The following CYP2C18 variants were observed in gnomAD, a reference collection of about 807,000 sequenced individuals.
CYP2C18 encodes the protein cytochrome P450 family 2 subfamily C member 18.
Under a neutral mutation model 41.3 loss-of-function variants are expected in CYP2C18, and 38 were observed. The ratio of observed to expected loss-of-function variants is 0.92; its 90% CI spans 0.71 to 1.21. CYP2C18 has a LOEUF of 1.21. Ranked by LOEUF, CYP2C18 falls within the 50% of genes most tolerant of loss-of-function variation. The pLI is 0.00. For missense variants in CYP2C18, 635 were observed against 591.4 expected (o/e 1.07, Z -0.77); for synonymous variants, 236 against 210.0 (o/e 1.12, Z -1.07).
chr10:94,685,550 T>C (rs957786747), intron 1 of CYP2C18, among the ~76,000 whole-genome samples: 7 of 152,178 alleles, frequency 4.6e-5, no homozygotes, highest in Non-Finnish European at 1.0e-4. Flanking sequence ...CTTAAGGCTT[T>C]AATTCATTTT....
At chr10:94,717,412 A>G (rs531360200) in intron 5 of CYP2C18, among the ~76,000 whole-genome samples, 2 of 152,200 alleles carry the variant, frequency 1.3e-5, no homozygotes, top group East Asian at 3.9e-4. Flanking sequence ...GCTTGTCTGT[A>G]AAGGATTTTA....
rs532799377 is a variant in CYP2C18 at position 94,698,420 on chromosome 10, C to T, written c.642+3343C>T. Among the ~76,000 whole-genome samples the T allele has an allele frequency of 6.6e-5, 10 of 152,284 alleles. No homozygotes were observed. The South Asian group carries it at 2.1e-3, about 32-fold the overall frequency. ...AAATGAAGGCAGAAATAAAAATGTT[C>T]TTTGAAACCAATGAGAACAAAGACA... On this transcript the variant is annotated intron_variant, in intron 4 of 8. Coordinates refer to ENST00000285979, the MANE Select transcript of CYP2C18 (RefSeq NM_000772.3).
chr10:94,690,157 A>G (rs1846969054), intron 3 of CYP2C18, among the ~76,000 whole-genome samples: 2 of 152,136 alleles, frequency 1.3e-5, no homozygotes, highest in Admixed American at 6.6e-5. Context: ...TGACCTCACC[A>G]TATCTAAATG....
intron 3 of CYP2C18, among the ~76,000 whole-genome samples, chr10:94,692,164 A>T: frequency 6.6e-6 from 1 of 152,224 alleles, no homozygotes; most frequent in Non-Finnish European, 1.5e-5. Flanking sequence ...AAAAGCCAAA[A>T]TTGACAAATG....
intron 4 of CYP2C18, among the ~76,000 whole-genome samples, chr10:94,700,708 T>G (rs1847221952): frequency 6.6e-6 from 1 of 152,002 alleles, no homozygotes; most frequent in African/African-American, 2.4e-5. Flanking sequence ...GGGAGAAAAT[T>G]TTTGCAATCT....
At chr10:94,691,427 C>T (rs1357488269) in intron 3 of CYP2C18, among the ~76,000 whole-genome samples, 1 of 152,090 alleles carries the variant, frequency 6.6e-6, no homozygotes, top group Non-Finnish European at 1.5e-5. Context: ...TTCACAATTG[C>T]TTCAAAGAGA....
chr10:94,726,876 A>G (rs1452449747), intron 7 of CYP2C18, among the ~76,000 whole-genome samples: 1 of 152,166 alleles, frequency 6.6e-6, no homozygotes, highest in Non-Finnish European at 1.5e-5. Context: ...AAAATAATGA[A>G]AATTTAACTT....
intron 5 of CYP2C18, among the ~76,000 whole-genome samples, chr10:94,707,406 C>G (rs1847363381): frequency 6.6e-6 from 1 of 152,000 alleles, no homozygotes; most frequent in Admixed American, 6.6e-5. Flanking sequence ...AGTGTGATGA[C>G]AGGTTCAGAG....
chr10:94,714,894 A>G (rs12570829), intron 5 of CYP2C18, among the ~76,000 whole-genome samples: 30,709 of 152,036 alleles, frequency 0.2, 3,552 homozygotes, highest in East Asian at 0.37. Context: ...GGTCCTTCAT[A>G]TCCCTTGGAA....
intron 5 of CYP2C18, among the ~76,000 whole-genome samples, chr10:94,713,894 T>G (rs940822659): frequency 1.3e-5 from 2 of 152,238 alleles, no homozygotes; most frequent in African/African-American, 4.8e-5. Flanking sequence ...AGATGGTATC[T>G]CATTGTGGTT....
intron 3 of CYP2C18, among the ~76,000 whole-genome samples, chr10:94,689,610 C>T (rs1322287830): frequency 1.3e-5 from 2 of 152,010 alleles, no homozygotes; most frequent in East Asian, 3.9e-4. Flanking sequence ...TACCAAAATC[C>T]ACATATGCTC....
chr10:94,699,017 C>G (rs1847179147), intron 4 of CYP2C18, among the ~76,000 whole-genome samples: 1 of 152,120 alleles, frequency 6.6e-6, no homozygotes, highest in Non-Finnish European at 1.5e-5. Context: ...AGTTCAGGAC[C>G]AGATGGACTC....
At position 94,688,149 on chromosome 10, in the gene CYP2C18, G is replaced by A. The variant is rs750028305; in HGVS notation, c.356G>A (p.Arg119Lys). 1.4e-5 allele frequency: 22 copies of A among 1,613,560 alleles called. No homozygotes were observed. Among genetic ancestry groups the A allele is most frequent in the Middle Eastern group, 1.7e-4 (1 of 6,050 alleles). The change falls in exon 3 of 9, where the codon AGA becomes AAA. Residue 119 changes from arginine to lysine, a missense_variant. Physicochemically the swap from Arg to Lys is conservative, Grantham distance 26. Transcript: ENST00000285979. Reference protein sequence around the residue: ...GLGILFSNGKRWKEIRRFCLM... With the variant: ...GLGILFSNGKKWKEIRRFCLM... The stretch of plus-strand genomic sequence containing the variant: ...GGAATCCTTTTCAGCAATGGAAAGA[G>A]ATGGAAGGAGATCCGGCGTTTCTGC...
intron 4 of CYP2C18, among the ~76,000 whole-genome samples, chr10:94,703,112 A>C (rs7095131): frequency 0.025 from 3,844 of 152,188 alleles, 148 homozygotes; most frequent in African/African-American, 0.075. Flanking sequence ...TGGAAGCTTC[A>C]TCCTGGTGGG....
In CYP2C18 at chr10:94,711,333, C is replaced by T. The variant is rs188721692; in HGVS notation, c.819+4373C>T. 4.6e-5 allele frequency among the ~76,000 whole-genome samples: 7 copies of T among 152,220 alleles called. No homozygotes were observed. The East Asian group carries it at 1.2e-3, about 25-fold the overall frequency. ...TCAATCTGTTCTCTTTCTCCATAAT[C>T]TTGGATATGTTACCATGTTATCTTT... On this transcript the variant is annotated intron_variant, in intron 5 of 8. Transcript: ENST00000285979.
At chr10:94,733,106 T>C (rs1360318508) in intron 7 of CYP2C18, among the ~76,000 whole-genome samples, 191 bp from the exon 8 acceptor site, 1 of 152,064 alleles carries the variant, frequency 6.6e-6, no homozygotes, top group Non-Finnish European at 1.5e-5. Context: ...GGAGGGGACT[T>C]CAGCAAAGTC....
intron 5 of CYP2C18, among the ~76,000 whole-genome samples, chr10:94,720,178 A>C (rs1267305415): frequency 1.3e-5 from 2 of 152,184 alleles, no homozygotes; most frequent in Admixed American, 6.5e-5. Context: ...AAAGATATTC[A>C]GAAATAGAAT....
At chr10:94,692,106 A>G (rs1847011551) in intron 3 of CYP2C18, among the ~76,000 whole-genome samples, 1 of 152,222 alleles carries the variant, frequency 6.6e-6, no homozygotes, top group Non-Finnish European at 1.5e-5. Context: ...TTTAGGACAT[A>G]GGCATGGGCA....
At chr10:94,685,882 T>C (rs1846878648) in intron 1 of CYP2C18, among the ~76,000 whole-genome samples, 1 of 152,170 alleles carries the variant, frequency 6.6e-6, no homozygotes, top group Non-Finnish European at 1.5e-5. Flanking sequence ...TGGGGTCTTT[T>C]GTGGTTCCAT....
Sources: allele counts gnomAD v4.1 joint callset (sites outside exome capture counted in the v4.1 genomes callset), GRCh38; gene constraint gnomAD v4.1.1; transcripts MANE v1.5; gene names NCBI Gene and HGNC (gene_info 2026-07-23, HGNC 2026-07-21).